The following RGS6 variants were observed in gnomAD, a reference collection of about 807,000 sequenced individuals.
RGS6 encodes the protein regulator of G-protein signaling 6.
Under a neutral mutation model 78.5 loss-of-function variants are expected in RGS6, and 30 were observed. That is an observed-to-expected ratio of 0.38 (90% CI 0.29 to 0.52). The LOEUF is 0.52. Among genes scored for constraint, RGS6 ranks in the 20% least tolerant of loss-of-function variants. The probability of loss-of-function intolerance (pLI) is 0.85; values close to 1 mark genes in which losing one functional copy is unlikely to be tolerated. For missense variants in RGS6, 495 were observed against 609.7 expected (o/e 0.81, Z 1.98); for synonymous variants, 206 against 206.0 (o/e 1.00, Z 0.00).
rs60087280 is a variant in RGS6 at position 72,261,151 on chromosome 14, C to T, written c.85-90944C>T. ...TGGGCCTCTGAAGAACCTACAAATG[C>T]ACCCTGTGAAGGTCCCAGGATGTGA... On this transcript the variant is annotated intron_variant, in intron 2 of 17. Transcript: ENST00000553525. Among the ~76,000 whole-genome samples the T allele has an allele frequency of 9.5e-3, 1,444 of 152,280 alleles. 27 individuals are homozygous for T. The highest frequency in any genetic ancestry group is 0.033 in the African/African-American group (1,382 of 41,528).
At chr14:72,102,099 C>G (rs1019956612) in intron 2 of RGS6, among the ~76,000 whole-genome samples, 2 of 152,168 alleles carry the variant, frequency 1.3e-5, no homozygotes, top group African/African-American at 4.8e-5. Flanking sequence ...GAAAATTGTT[C>G]CAGCCGAGGA....
At chr14:71,995,610 G>C (rs1257132104) in intron 2 of RGS6, among the ~76,000 whole-genome samples, 3 of 152,154 alleles carry the variant, frequency 2.0e-5, no homozygotes, top group Non-Finnish European at 1.5e-5. Context: ...GCCTCATAGG[G>C]GTGTTGAGAG....
At chr14:72,529,875 T>C (rs568064358) in intron 15 of RGS6, among the ~76,000 whole-genome samples, 2 of 152,370 alleles carry the variant, frequency 1.3e-5, no homozygotes, top group South Asian at 4.1e-4. Flanking sequence ...CTATCTTGCC[T>C]AGTTGGATCT....
chr14:72,389,539 G>A (rs1566704973), intron 3 of RGS6, among the ~76,000 whole-genome samples: 1 of 152,110 alleles, frequency 6.6e-6, no homozygotes, highest in Non-Finnish European at 1.5e-5. Flanking sequence ...CCTTACAGAG[G>A]CCCCGCCAGC....
chr14:72,327,276 G>A (rs528722009), intron 2 of RGS6, among the ~76,000 whole-genome samples: 4 of 152,158 alleles, frequency 2.6e-5, no homozygotes, highest in Non-Finnish European at 4.4e-5. Context: ...CTGCAGGCCA[G>A]CTGCCTTCTC....
rs769302452 is a variant in RGS6, at chr14:72,442,073, C to T, written c.185-12455C>T. On this transcript the variant is annotated intron_variant, in intron 3 of 17. Coordinates refer to ENST00000553525, the MANE Select transcript of RGS6 (RefSeq NM_001204424.2). ...GAAACAGGAGATCAGTCCTCACCAACGCTGAGATGATTTCCCTCTGGTTCT... is the reference window on the plus strand; with the variant it reads ...GAAACAGGAGATCAGTCCTCACCAATGCTGAGATGATTTCCCTCTGGTTCT... 2.0e-4 allele frequency among the ~76,000 whole-genome samples: 31 copies of T among 152,286 alleles called. 1 individual carries two copies. The highest frequency in any genetic ancestry group is 9.8e-4 in the Admixed American group (15 of 15,298).
At chr14:72,063,950 A>G (rs532677259) in intron 2 of RGS6, among the ~76,000 whole-genome samples, 10 of 152,168 alleles carry the variant, frequency 6.6e-5, no homozygotes, top group Admixed American at 1.3e-4. Flanking sequence ...CTGAAAGCAC[A>G]TTGAGATTAC....
At chr14:72,027,802 C>T (rs1048262997) in intron 2 of RGS6, among the ~76,000 whole-genome samples, 1 of 152,124 alleles carries the variant, frequency 6.6e-6, no homozygotes, top group Non-Finnish European at 1.5e-5. Flanking sequence ...TATGATTTAT[C>T]CGGATCACCT....
At chr14:72,342,355 C>T (rs1345382542) in intron 2 of RGS6, among the ~76,000 whole-genome samples, 1 of 152,016 alleles carries the variant, frequency 6.6e-6, no homozygotes, top group Non-Finnish European at 1.5e-5. Context: ...CACTTGAGTT[C>T]AGGAGTTTGA....
intron 2 of RGS6, among the ~76,000 whole-genome samples, chr14:71,982,547 T>C: frequency 6.6e-6 from 1 of 152,208 alleles, no homozygotes; most frequent in East Asian, 1.9e-4. Flanking sequence ...TTACTCTCTG[T>C]AGGGAGCCCT....
intron 2 of RGS6, among the ~76,000 whole-genome samples, chr14:72,279,407 A>T (rs564910252): frequency 6.6e-6 from 1 of 152,242 alleles, no homozygotes; most frequent in East Asian, 1.9e-4. Flanking sequence ...AGCAGCAGAT[A>T]AGTGACGAGG....
At chr14:72,290,162 G>T (rs2063333203) in intron 2 of RGS6, among the ~76,000 whole-genome samples, 1 of 152,162 alleles carries the variant, frequency 6.6e-6, no homozygotes, top group Admixed American at 6.5e-5. Context: ...TTATCGCAAA[G>T]AATTCTGCAG....
At chr14:71,910,355 T>C in the RGS6 span, among the ~76,000 whole-genome samples, 1 of 152,324 alleles carries the variant, frequency 6.6e-6, no homozygotes, top group Admixed American at 6.5e-5. Context: ...GCTCTGTTAG[T>C]TAATTTTCAT....
chr14:72,476,158 A>G (rs8014634), intron 10 of RGS6, among the ~76,000 whole-genome samples: 26,086 of 152,236 alleles, frequency 0.17, 2,403 homozygotes, highest in Middle Eastern at 0.28. Flanking sequence ...AAATGTAGCT[A>G]TAGCTACGGA....
At chr14:72,461,679 A>G (rs2095786507) in intron 6 of RGS6, among the ~76,000 whole-genome samples, 1 of 152,104 alleles carries the variant, frequency 6.6e-6, no homozygotes, top group Non-Finnish European at 1.5e-5. Flanking sequence ...GTGATAGAGG[A>G]AGACCCTGTC....
At chr14:71,986,727 A>G (rs1006157721) in intron 2 of RGS6, among the ~76,000 whole-genome samples, 6 of 152,130 alleles carry the variant, frequency 3.9e-5, no homozygotes, top group African/African-American at 1.2e-4. Flanking sequence ...CAAAAAACCA[A>G]GAAACCCCAC....
intron 2 of RGS6, among the ~76,000 whole-genome samples, chr14:72,047,011 A>G (rs1352184607): frequency 6.6e-6 from 1 of 152,264 alleles, no homozygotes; most frequent in East Asian, 1.9e-4. Flanking sequence ...AGAATGCACC[A>G]GGACCAATGC....
intron 2 of RGS6, among the ~76,000 whole-genome samples, chr14:72,067,761 CT>C (rs1461041524): frequency 1.3e-5 from 2 of 152,116 alleles, no homozygotes; most frequent in Non-Finnish European, 2.9e-5. Context: ...TCTGGCCTTG[CT>C]TTTCTTTAGA....
chr14:71,987,404 C>A (rs562577347), intron 2 of RGS6, among the ~76,000 whole-genome samples: 1 of 152,242 alleles, frequency 6.6e-6, no homozygotes, highest in Admixed American at 6.5e-5. Flanking sequence ...CACAAACAAG[C>A]CCATGCCATC....
Sources: gnomAD v4.1 joint callset for allele counts (sites outside exome capture counted in the v4.1 genomes callset) on GRCh38, gnomAD v4.1.1 for gene constraint, MANE v1.5 for transcripts, NCBI Gene and HGNC (gene_info 2026-07-23, HGNC 2026-07-21) for gene names.